PALLD: variants seen among roughly 807,000 people sequenced by gnomAD.
The protein encoded by PALLD is palladin, cytoskeletal associated protein.
In PALLD, 61 loss-of-function variants were observed where a neutral mutation model predicts 123.5. The ratio of observed to expected loss-of-function variants is 0.49; its 90% CI spans 0.40 to 0.61. PALLD has a LOEUF of 0.61. Among genes scored for constraint, PALLD ranks in the 20% least tolerant of loss-of-function variants. PALLD has a pLI of 0.00. For missense variants in PALLD, 1,273 were observed against 1,377.0 expected, an observed-to-expected ratio of 0.92 and a Z score of 1.20; for synonymous variants, 465 against 496.4, an observed-to-expected ratio of 0.94 and a Z score of 0.84.
chr4:168,761,641 G>GTTTTTTTTTTTT (rs1230404942), intron 10 of PALLD, among the ~76,000 whole-genome samples: 3 of 11,646 alleles, frequency 2.6e-4, no homozygotes, highest in East Asian at 4.5e-3. Flanking sequence ...TGTTGTTGTT[G>GTTTTTTTTTTTT]TTTGTTTTTT....
At chr4:168,556,699 A>G (rs908587954) in intron 2 of PALLD, among the ~76,000 whole-genome samples, 2 of 152,336 alleles carry the variant, frequency 1.3e-5, no homozygotes, top group East Asian at 3.9e-4. Context: ...ATCAGTCTTA[A>G]CATCTTAATT....
At chr4:168,779,269 T>A (rs1735573665) in intron 10 of PALLD, among the ~76,000 whole-genome samples, 1 of 152,212 alleles carries the variant, frequency 6.6e-6, no homozygotes, top group Non-Finnish European at 1.5e-5. Flanking sequence ...TCTTACTATA[T>A]GGAAATTAAA....
chr4:168,723,036 C>T (rs2150269883), intron 10 of PALLD, among the ~76,000 whole-genome samples: 2 of 152,148 alleles, frequency 1.3e-5, no homozygotes, highest in Middle Eastern at 3.4e-3. Context: ...TAAACTCTTT[C>T]CAAGTGATAA....
chr4:168,749,886 C>T (rs1161908158), intron 10 of PALLD, among the ~76,000 whole-genome samples: 1 of 150,320 alleles, frequency 6.7e-6, no homozygotes, highest in Non-Finnish European at 1.5e-5. Flanking sequence ...CCCCTCTCCT[C>T]TCATAGACCC....
intron 2 of PALLD, among the ~76,000 whole-genome samples, chr4:168,604,581 G>C (rs1772983788): frequency 6.6e-6 from 1 of 152,184 alleles, no homozygotes; most frequent in Non-Finnish European, 1.5e-5. Flanking sequence ...AAGACACAAA[G>C]AGCATATGTC....
At chr4:168,648,961 C>T (rs1777763600) in intron 2 of PALLD, 1 of 152,238 alleles carries the variant, frequency 6.6e-6, no homozygotes, top group African/African-American at 2.4e-5. Context: ...CTTCTCTCTC[C>T]TCCCAGCAAG....
rs144113315 is a variant in PALLD, at chr4:168,558,012, G to T, written c.908+45600G>T. On this transcript the variant is annotated intron_variant, in intron 2 of 21. Coordinates refer to ENST00000505667, the MANE Select transcript of PALLD (RefSeq NM_001166108.2). ...TAAAACCAGCTCTTTTTCTCATTGA[G>T]TGCTTTGTAGGCTCTACAGAGCCTA... is the stretch of plus-strand genomic sequence containing the variant. Among the ~76,000 whole-genome samples, 102 of 152,266 alleles carry T rather than the reference G, an allele frequency of 6.7e-4. 1 individual carries two copies. The highest frequency in any genetic ancestry group is 2.3e-3 in the African/African-American group (95 of 41,554).
chr4:168,779,248 A>T (rs1735571146), intron 10 of PALLD, among the ~76,000 whole-genome samples: 1 of 152,204 alleles, frequency 6.6e-6, no homozygotes, highest in African/African-American at 2.4e-5. Context: ...AAAAAGCATC[A>T]GTGCTTCTTC....
intron 15 of PALLD, among the ~76,000 whole-genome samples, chr4:168,904,964 T>G (rs952039681): frequency 3.3e-5 from 5 of 151,764 alleles, no homozygotes; most frequent in Admixed American, 3.3e-4. Flanking sequence ...CTGTCTCTAC[T>G]AAAAATACAA....
At chr4:168,817,727 T>C (rs1042043010) in intron 10 of PALLD, among the ~76,000 whole-genome samples, 3 of 152,212 alleles carry the variant, frequency 2.0e-5, no homozygotes, top group Non-Finnish European at 4.4e-5. Flanking sequence ...TTTTTTGTCC[T>C]ACAAAACCAA....
intron 2 of PALLD, among the ~76,000 whole-genome samples, chr4:168,654,075 C>T (rs1778325226): frequency 6.6e-6 from 1 of 152,074 alleles, no homozygotes; most frequent in African/African-American, 2.4e-5. Flanking sequence ...TCAACCTCAG[C>T]CTTCTAAGTA....
chr4:168,502,962 G>T (rs1330569095), intron 1 of PALLD, among the ~76,000 whole-genome samples: 1 of 152,160 alleles, frequency 6.6e-6, no homozygotes, highest in African/African-American at 2.4e-5. Flanking sequence ...GTCGCAGCAG[G>T]TTCTGGGAGG....
intron 10 of PALLD, among the ~76,000 whole-genome samples, chr4:168,800,987 A>G (rs1157902351): frequency 6.6e-6 from 1 of 152,230 alleles, no homozygotes; most frequent in Non-Finnish European, 1.5e-5. Flanking sequence ...CACACATAAT[A>G]TAGAACAAAA....
intron 1 of PALLD, among the ~76,000 whole-genome samples, chr4:168,504,590 A>G (rs1254387413): frequency 2.5e-5 from 2 of 80,270 alleles, no homozygotes; most frequent in South Asian, 4.1e-4. Context: ...CAAGACTCCA[A>G]CTCAAAAAAA....
chr4:168,764,080 AAAAG>A (rs1304433296), intron 10 of PALLD, among the ~76,000 whole-genome samples: 2 of 152,228 alleles, frequency 1.3e-5, no homozygotes, highest in Non-Finnish European at 2.9e-5. Flanking sequence ...TATGGGAAGA[AAAAG>A]AAACCACTTT....
intron 2 of PALLD, among the ~76,000 whole-genome samples, chr4:168,557,299 C>A (rs1767419697): frequency 6.6e-6 from 1 of 152,196 alleles, no homozygotes; most frequent in Admixed American, 6.5e-5. Flanking sequence ...CCATCTCAGC[C>A]TCCCAAAGTG....
chr4:168,710,677 C>G (rs1413794518), intron 9 of PALLD, among the ~76,000 whole-genome samples: 1 of 152,094 alleles, frequency 6.6e-6, no homozygotes, highest in Non-Finnish European at 1.5e-5. Context: ...TGAAAGAAAC[C>G]TAAGTGTCAG....
intron 1 of PALLD, among the ~76,000 whole-genome samples, chr4:168,498,049 TCCTCATTTC>T (rs1262102749): frequency 6.6e-6 from 1 of 152,242 alleles, no homozygotes; most frequent in Non-Finnish European, 1.5e-5. Flanking sequence ...AGAAATTAAA[TCCTCATTTC>T]ATGATAAATG....
chr4:168,831,921 C>A, intron 10 of PALLD: 1 of 791,458 alleles, frequency 1.3e-6, no homozygotes, highest in Non-Finnish European at 1.5e-6. Flanking sequence ...CGAGTGGGTG[C>A]GGGGAAGCCT....
Sources: allele counts gnomAD v4.1 joint callset (sites outside exome capture counted in the v4.1 genomes callset), GRCh38; gene constraint gnomAD v4.1.1; transcripts MANE v1.5; gene names NCBI Gene and HGNC (gene_info 2026-07-23, HGNC 2026-07-21).